The following ACP7 variants were observed in gnomAD, a reference collection of about 807,000 sequenced individuals.
ACP7 encodes acid phosphatase 7, tartrate resistant (putative).
A neutral mutation model predicts 60.6 loss-of-function variants in ACP7; 58 were observed. That is an observed-to-expected ratio of 0.96 (90% CI 0.77 to 1.19). The LOEUF is 1.19. ACP7 is among the 50% of genes most tolerant of loss of function. The pLI is 0.00. For missense variants in ACP7, 574 were observed against 596.2 expected (o/e 0.96, Z 0.39); for synonymous variants, 237 against 232.6 (o/e 1.02, Z -0.17).
chr19:39,101,155 C>A lies in ACP7; in HGVS notation c.921C>A (p.Arg307=), dbSNP rs369494877. Residue 307 remains arginine (R), a synonymous_variant, in exon 9 of 13, where the codon CGC becomes CGA. Transcript: ENST00000331256. The part of the protein sequence containing the change: ...DDCTRHESKV[R]KGLQGKLYGL... The stretch of plus-strand genomic sequence containing the variant: ...CGCTCATTCACCCTGCCCAGGTCCG[C>A]AAAGGCCTCCAAGGCAAGCTGTACG... 3.3e-5 allele frequency: 53 copies of A among 1,613,992 alleles called. No homozygotes were observed. Among genetic ancestry groups the A allele is most frequent in the Non-Finnish European group, 4.1e-5 (48 of 1,180,030 alleles).
rs370796661 is a variant in ACP7 at position 39,100,693 on chromosome 19, T to C, written c.693-46T>C. 1.8e-5 allele frequency: 29 copies of C among 1,612,158 alleles called. No individual in the cohort carries two copies. The African/African-American group carries it at 3.2e-4, about 18-fold the overall frequency. ...GCCCTCTCCCCTGAAGGATGGGAGA[T>C]GCAGGGGAGCCCTGGTCCCTGACCC... On this transcript the variant is annotated intron_variant, in intron 6 of 12. Coordinates refer to ENST00000331256, the MANE Select transcript of ACP7 (RefSeq NM_001004318.3).
At chr19:39,089,348 G>A (rs747989922) in intron 2 of ACP7, among the ~76,000 whole-genome samples, 27 of 152,108 alleles carry the variant, frequency 1.8e-4, no homozygotes, top group Non-Finnish European at 3.2e-4. Flanking sequence ...GATTACAGGT[G>A]TGAGCCACCA....
At chr19:39,094,502 C>CAAA (rs11289993) in intron 2 of ACP7, among the ~76,000 whole-genome samples, 1 of 137,500 alleles carries the variant, frequency 7.3e-6, no homozygotes. Flanking sequence ...GACTTAGTCT[C>CAAA]AAAAAAAAAA....
chr19:39,102,356 G>T (rs1180603205), intron 11 of ACP7, among the ~76,000 whole-genome samples: 1 of 150,190 alleles, frequency 6.7e-6, no homozygotes, highest in Non-Finnish European at 1.5e-5. Context: ...GGGAGATCCT[G>T]TTAGACCATG....
At chr19:39,095,403 A>G (rs2073254342) in intron 2 of ACP7, among the ~76,000 whole-genome samples, 1 of 152,250 alleles carries the variant, frequency 6.6e-6, no homozygotes, top group Non-Finnish European at 1.5e-5. Flanking sequence ...CAGGGCAGTC[A>G]AATTTTAAAG....
intron 2 of ACP7, 150 bp downstream of exon 2, chr19:39,085,540 G>A (rs1600248118): frequency 8.8e-7 from 1 of 1,136,362 alleles, no homozygotes. Context: ...GGAATAGGAA[G>A]TACAGGCTGT....
intron 11 of ACP7, among the ~76,000 whole-genome samples, chr19:39,104,951 C>T (rs1186980230): frequency 6.6e-6 from 1 of 152,126 alleles, no homozygotes; most frequent in Non-Finnish European, 1.5e-5. Context: ...GCTAACAATA[C>T]AAGGACTTTC....
At chr19:39,093,394 C>T (rs1318668629) in intron 2 of ACP7, among the ~76,000 whole-genome samples, 1 of 151,770 alleles carries the variant, frequency 6.6e-6, no homozygotes, top group African/African-American at 2.4e-5. Flanking sequence ...AGCTGGATTA[C>T]AGGCACGCGC....
Position 39,110,618 on chromosome 19 carries a change from C to A in ACP7, c.*500C>A. On this transcript the variant is annotated 3_prime_UTR_variant, in exon 13 of 13. Coordinates refer to ENST00000331256, the MANE Select transcript of ACP7 (RefSeq NM_001004318.3). The stretch of plus-strand genomic sequence containing the variant: ...CACTGAGAGTTGGTCTGAAGCCTGG[C>A]TCCTTCTTCACTGCTCCAGGACTGC... 1 of 156,852 alleles carries A rather than the reference C, an allele frequency of 6.4e-6. No homozygotes were observed. Among genetic ancestry groups the A allele is most frequent in the Non-Finnish European group, 1.4e-5 (1 of 70,696 alleles). The allele number at this position is 156,852 out of a possible 1,614,324, so 9.7% of individuals were successfully genotyped here. A position where few individuals can be genotyped will look rare whatever the true frequency, so the allele number is the denominator to read the frequency against.
At chr19:39,104,927 A>G (rs577198063) in intron 11 of ACP7, among the ~76,000 whole-genome samples, 1 of 152,312 alleles carries the variant, frequency 6.6e-6, no homozygotes, top group Admixed American at 6.5e-5. Flanking sequence ...ATTTCAGACC[A>G]ACAGAAAAGT....
In ACP7 at chr19:39,101,209, T is replaced by G. The variant is rs1356432909; in HGVS notation, c.973+2T>G. The G allele has an allele frequency of 9.3e-6, 15 of 1,614,120 alleles. No individual in the cohort carries two copies. The highest frequency in any genetic ancestry group is 1.3e-5 in the Non-Finnish European group (15 of 1,180,012). On this transcript the variant is annotated splice_donor_variant, in intron 9 of 12. Coordinates refer to ENST00000331256, the MANE Select transcript of ACP7 (RefSeq NM_001004318.3). LOFTEE classifies it high-confidence loss of function. ...TGGAGGATCTTTTCTACAAATATGG[T>G]GAGCGACCCTCAGGACCCATGCCCC...
At chr19:39,096,308 C>T (rs1421507097) in intron 2 of ACP7, among the ~76,000 whole-genome samples, 3 of 152,122 alleles carry the variant, frequency 2.0e-5, no homozygotes, top group Non-Finnish European at 2.9e-5. Flanking sequence ...CCACCAGATA[C>T]CCTAAATCAT....
chr19:39,108,139 A>ATTTT (rs35561896), intron 12 of ACP7, among the ~76,000 whole-genome samples: 1 of 135,058 alleles, frequency 7.4e-6, no homozygotes, highest in Non-Finnish European at 1.6e-5. Context: ...CACTCATCTA[A>ATTTT]TTTTTTTTTT....
At chr19:39,094,482 G>A (rs1396475706) in intron 2 of ACP7, among the ~76,000 whole-genome samples, 12 of 139,668 alleles carry the variant, frequency 8.6e-5, no homozygotes, top group Non-Finnish European at 1.1e-4. Context: ...CAGCTTGGGC[G>A]ACAGAGTGAG....
intron 11 of ACP7, among the ~76,000 whole-genome samples, chr19:39,102,399 C>T (rs529836056): frequency 1.1e-3 from 167 of 148,714 alleles, no homozygotes; most frequent in African/African-American, 4.0e-3. Flanking sequence ...TTTTTCGAGA[C>T]GGAGTCTTGC....
chr19:39,102,715 T>TTTCCTTCTTTCTTTC, intron 11 of ACP7, among the ~76,000 whole-genome samples: 1 of 118,616 alleles, frequency 8.4e-6, no homozygotes, highest in Non-Finnish European at 1.8e-5. Context: ...CAATGAAGAC[T>TTTCCTTCTTTCTTTC]TTTCTTTCTT....
chr19:39,105,173 G>A (rs1451205602), intron 11 of ACP7, among the ~76,000 whole-genome samples: 2 of 151,240 alleles, frequency 1.3e-5, no homozygotes, highest in East Asian at 2.0e-4. Flanking sequence ...ACGTCACCAC[G>A]CCCGGCTAAT....
intron 11 of ACP7, among the ~76,000 whole-genome samples, chr19:39,105,079 G>A (rs2073396888): frequency 6.6e-6 from 1 of 151,476 alleles, no homozygotes; most frequent in Non-Finnish European, 1.5e-5. Context: ...CAATTGGCGT[G>A]ATCTCGGCTC....
intron 12 of ACP7, among the ~76,000 whole-genome samples, chr19:39,108,914 A>G (rs692346): frequency 0.2 from 30,109 of 151,918 alleles, 2,970 homozygotes; most frequent in Non-Finnish European, 0.21. Flanking sequence ...TCCACCTCCC[A>G]GGTTCAAGCA....
Sources: allele counts gnomAD v4.1 joint callset (sites outside exome capture counted in the v4.1 genomes callset), GRCh38; gene constraint gnomAD v4.1.1; transcripts MANE v1.5; gene names NCBI Gene and HGNC (gene_info 2026-07-23, HGNC 2026-07-21).